PDE3B: variants seen among roughly 807,000 people sequenced by gnomAD.
PDE3B encodes the protein phosphodiesterase 3B.
PDE3B carries 66 observed loss-of-function variants against 116.8 expected under a neutral mutation model. That is an observed-to-expected ratio of 0.56 (90% CI 0.46 to 0.69). PDE3B has a LOEUF of 0.69. PDE3B is among the 30% of genes least tolerant of loss of function. PDE3B has a pLI of 0.00. For synonymous variants in PDE3B, 595 were observed against 533.6 expected (o/e 1.12, Z -1.59); for missense variants, 1,384 against 1,368.1 (o/e 1.01, Z -0.18).
the PDE3B span, chr11:14,880,771 G>GA: frequency 1.0e-5 from 16 of 1,601,212 alleles, no homozygotes; most frequent in Admixed American, 7.0e-5. Context: ...GAGTAAGCCT[G>GA]AAAAAAAATA....
At chr11:14,677,170 A>G (rs950166987) in intron 1 of PDE3B, among the ~76,000 whole-genome samples, 1 of 152,206 alleles carries the variant, frequency 6.6e-6, no homozygotes, top group Admixed American at 6.5e-5. Flanking sequence ...AATGAAAACC[A>G]GGGATAGAAC....
intron 1 of PDE3B, among the ~76,000 whole-genome samples, chr11:14,663,966 T>C (rs1854031129): frequency 6.6e-6 from 1 of 152,052 alleles, no homozygotes; most frequent in African/African-American, 2.4e-5. Context: ...AATATACATT[T>C]TTTTCAGCAC....
intron 12 of PDE3B, among the ~76,000 whole-genome samples, chr11:14,847,336 A>G (rs1201784074): frequency 6.6e-6 from 1 of 151,538 alleles, no homozygotes; most frequent in Non-Finnish European, 1.5e-5. Flanking sequence ...GACACATTCA[A>G]AGCAGTGTGT....
intron 2 of PDE3B, among the ~76,000 whole-genome samples, chr11:14,779,067 G>A (rs555188189): frequency 6.6e-6 from 1 of 152,128 alleles, no homozygotes; most frequent in South Asian, 2.1e-4. Context: ...AGAAGAAAGG[G>A]TGTCAGTGAT....
chr11:14,890,903 A>C, the PDE3B span: 1 of 985,396 alleles, frequency 1.0e-6, no homozygotes, highest in Non-Finnish European at 1.2e-6. Context: ...GTCAAACCTG[A>C]AATACCACAG....
chr11:14,877,900 T>C, the PDE3B span: 9 of 532,108 alleles, frequency 1.7e-5, no homozygotes, highest in South Asian at 2.2e-4. Context: ...TTTGCACCTT[T>C]GTGTCTCTCA....
At chr11:14,788,628 T>C (rs929491299) in intron 3 of PDE3B, among the ~76,000 whole-genome samples, 1 of 151,966 alleles carries the variant, frequency 6.6e-6, no homozygotes, top group Non-Finnish European at 1.5e-5. Flanking sequence ...CTAAAGGTGT[T>C]CTGTATTTAA....
chr11:14,789,112 A>C lies in PDE3B; in HGVS notation c.1285A>C (p.Asn429His), dbSNP rs769967014. ...TTGTTAAATTATTCAACAGGGACTA[A>C]ATAGGAATAGTTTGCCAACTCCACA... ...KGDRKLNKGL[N>H]RNSLPTPQLR... Residue 429 changes from asparagine (N) to histidine (H), a missense_variant, in exon 4 of 16, where the codon AAT becomes CAT. Around this residue, in one of 2 missense-constraint regions of PDE3B, gnomAD observed 956 missense variants for 806.8 expected, o/e 1.18. Coordinates refer to ENST00000282096, the MANE Select transcript of PDE3B (RefSeq NM_000922.4). 6.2e-7 allele frequency: 1 copy of C among 1,606,924 alleles called. No individual in the cohort carries two copies. Among genetic ancestry groups the C allele is most frequent in the Non-Finnish European group, 8.5e-7 (1 of 1,176,414 alleles).
rs1853300603 is a variant in PDE3B, at chr11:14,644,313, C to T, written c.238C>T (p.Leu80Phe). Reference sequence around the variant, plus strand: ...CTGCTCCCCCTTCTGCCGGGCGCGCCTCTCGCTGGGCGCCCTGGCTGCCTT... The same window carrying T: ...CTGCTCCCCCTTCTGCCGGGCGCGCTTCTCGCTGGGCGCCCTGGCTGCCTT... ...RRCSPFCRAR[L>F]SLGALAAFVL... is the part of the protein sequence containing the mutation. Residue 80 changes from leucine to phenylalanine, a missense_variant, in exon 1 of 16, where the codon CTC becomes TTC. By Grantham distance (22) the Leu-to-Phe change is conservative. Transcript: ENST00000282096. 3.8e-6 allele frequency: 6 copies of T among 1,567,360 alleles called. No individual in the cohort carries two copies. Among genetic ancestry groups the T allele is most frequent in the African/African-American group, 1.4e-5 (1 of 72,374 alleles).
intron 4 of PDE3B, among the ~76,000 whole-genome samples, chr11:14,797,144 G>C (rs374955950): frequency 6.6e-6 from 1 of 152,150 alleles, no homozygotes; most frequent in Non-Finnish European, 1.5e-5. Context: ...TGCTTGTTGT[G>C]TCAGGTTTGT....
chr11:14,765,494 A>G (rs1857474539), intron 1 of PDE3B, among the ~76,000 whole-genome samples: 1 of 151,946 alleles, frequency 6.6e-6, no homozygotes, highest in African/African-American at 2.4e-5. Context: ...GAAAAAATGA[A>G]TGTAAATAAA....
At chr11:14,688,086 T>C (rs1429511038) in intron 1 of PDE3B, among the ~76,000 whole-genome samples, 1 of 149,416 alleles carries the variant, frequency 6.7e-6, no homozygotes, top group Non-Finnish European at 1.5e-5. Context: ...TCTTTCTTTT[T>C]CTTTCTTTCT....
At chr11:14,791,855 C>G (rs1255067433) in intron 4 of PDE3B, among the ~76,000 whole-genome samples, 2 of 152,074 alleles carry the variant, frequency 1.3e-5, no homozygotes, top group African/African-American at 4.8e-5. Flanking sequence ...TACATATTCT[C>G]TCTACACATC....
chr11:14,892,251 G>A, the PDE3B span: 1 of 1,562,056 alleles, frequency 6.4e-7, no homozygotes, highest in Non-Finnish European at 8.7e-7. Context: ...CTGAGACCCA[G>A]GCACTCCCTC....
chr11:14,781,837 A>C (rs1279407433), intron 2 of PDE3B, among the ~76,000 whole-genome samples: 1 of 152,168 alleles, frequency 6.6e-6, no homozygotes, highest in Admixed American at 6.5e-5. Flanking sequence ...GAAAGAAATA[A>C]AAGGTATTCA....
chr11:14,846,891 G>A (rs1029603560), intron 12 of PDE3B, among the ~76,000 whole-genome samples: 3 of 152,010 alleles, frequency 2.0e-5, no homozygotes, highest in Admixed American at 6.6e-5. Flanking sequence ...AATAATAATG[G>A]GGGACTTTAA....
At chr11:14,688,122 TC>T (rs1224224971) in intron 1 of PDE3B, among the ~76,000 whole-genome samples, 4 of 134,770 alleles carry the variant, frequency 3.0e-5, no homozygotes, top group Non-Finnish European at 6.5e-5. Context: ...TTTCTCTCTC[TC>T]TCTCTCTCTC....
chr11:14,825,298 A>G (rs913335286), intron 7 of PDE3B, among the ~76,000 whole-genome samples: 1 of 152,176 alleles, frequency 6.6e-6, no homozygotes, highest in African/African-American at 2.4e-5. Context: ...ACTAACCTTG[A>G]GTGTAAATGG....
At chr11:14,725,375 TCTTC>T (rs1172193941) in intron 1 of PDE3B, among the ~76,000 whole-genome samples, 168 of 150,260 alleles carry the variant, frequency 1.1e-3, no homozygotes, top group African/African-American at 2.8e-3. Flanking sequence ...CTTTCTCCTT[TCTTC>T]CTTCCTTCCT....
Sources: gnomAD v4.1 joint callset for allele counts (sites outside exome capture counted in the v4.1 genomes callset) on GRCh38, gnomAD v4.1.1 for gene constraint, gnomAD v4.1.1 regional missense constraint, MANE v1.5 for transcripts, NCBI Gene and HGNC (gene_info 2026-07-23, HGNC 2026-07-21) for gene names.